The following MAGI1 variants were observed in gnomAD, a reference collection of about 807,000 sequenced individuals.
The protein encoded by MAGI1 is membrane associated guanylate kinase, WW and PDZ domain containing 1.
Under a neutral mutation model 139.9 loss-of-function variants are expected in MAGI1, and 58 were observed. The ratio of observed to expected loss-of-function variants is 0.41; its 90% CI spans 0.34 to 0.52. MAGI1 has a LOEUF of 0.52. Among genes scored for constraint, MAGI1 ranks in the 20% least tolerant of loss-of-function variants. The probability of loss-of-function intolerance (pLI) is 0.12; values close to 1 mark genes in which losing one functional copy is unlikely to be tolerated. For missense variants in MAGI1, 1,874 were observed against 1,901.6 expected, an observed-to-expected ratio of 0.99 and a Z score of 0.27; for synonymous variants, 812 against 737.9, an observed-to-expected ratio of 1.10 and a Z score of -1.63.
chr3:65,370,326 G>A (rs528048292), intron 18 of MAGI1, among the ~76,000 whole-genome samples: 6 of 152,092 alleles, frequency 3.9e-5, no homozygotes, highest in South Asian at 2.1e-4. Flanking sequence ...TCCCTTTACC[G>A]GGCTTCTGGC....
chr3:65,640,674 CA>C (rs2084932438), intron 1 of MAGI1, among the ~76,000 whole-genome samples: 1 of 152,196 alleles, frequency 6.6e-6, no homozygotes, highest in Non-Finnish European at 1.5e-5. Context: ...TGTTTATTCA[CA>C]ACAAGGGTTG....
At chr3:65,853,334 G>A (rs1159584939) in intron 1 of MAGI1, among the ~76,000 whole-genome samples, 1 of 152,218 alleles carries the variant, frequency 6.6e-6, no homozygotes, top group Non-Finnish European at 1.5e-5. Flanking sequence ...CCTTGCTTGT[G>A]TGATATAAAT....
intron 1 of MAGI1, among the ~76,000 whole-genome samples, chr3:65,866,721 G>T (rs761646953): frequency 6.6e-6 from 1 of 152,038 alleles, no homozygotes; most frequent in Non-Finnish European, 1.5e-5. Flanking sequence ...TCATCCCAGA[G>T]GTCTAAACTT....
At chr3:65,709,641 C>T (rs2031031497) in intron 1 of MAGI1, among the ~76,000 whole-genome samples, 2 of 152,194 alleles carry the variant, frequency 1.3e-5, no homozygotes, top group Admixed American at 1.3e-4. Flanking sequence ...AGATGCACTT[C>T]GGATCAGCCT....
At chr3:65,467,956 G>A (rs1412612653) in intron 5 of MAGI1, among the ~76,000 whole-genome samples, 1 of 152,104 alleles carries the variant, frequency 6.6e-6, no homozygotes, top group Non-Finnish European at 1.5e-5. Context: ...GATGAAAATG[G>A]TAACAATAAC....
intron 1 of MAGI1, among the ~76,000 whole-genome samples, chr3:65,653,331 C>T (rs1252764367): frequency 1.3e-5 from 2 of 152,192 alleles, no homozygotes; most frequent in African/African-American, 4.8e-5. Context: ...TTACCTTCCA[C>T]TTTGGCCCCT....
At position 65,531,844 on chromosome 3, in the gene MAGI1, A is replaced by T. The variant is rs569392773; in HGVS notation, c.431-38213T>A. ...CCTATAGCACACAGTTATTATACAGATTAAAAGAGTGAGTTAATACACTAA... is the reference window on the plus strand; with the variant it reads ...CCTATAGCACACAGTTATTATACAGTTTAAAAGAGTGAGTTAATACACTAA... On this transcript the variant is annotated intron_variant, in intron 2 of 22. Coordinates refer to ENST00000402939, the MANE Select transcript of MAGI1 (RefSeq NM_001033057.2). Among the ~76,000 whole-genome samples the T allele has an allele frequency of 5.3e-5, 8 of 152,232 alleles. No homozygotes were observed. In the East Asian group the frequency reaches 1.5e-3, roughly 29 times the overall value.
intron 6 of MAGI1, among the ~76,000 whole-genome samples, chr3:65,451,817 G>C (rs1252143067): frequency 1.3e-5 from 2 of 151,992 alleles, no homozygotes; most frequent in East Asian, 3.9e-4. Flanking sequence ...GCTAATTTTT[G>C]TTTTATTATT....
intron 1 of MAGI1, among the ~76,000 whole-genome samples, chr3:65,824,591 C>T (rs1183739383): frequency 6.6e-6 from 1 of 152,170 alleles, no homozygotes; most frequent in Non-Finnish European, 1.5e-5. Context: ...TAAATCTGTC[C>T]TCTGCTATCA....
At chr3:65,747,059 A>G (rs2035769628) in intron 1 of MAGI1, among the ~76,000 whole-genome samples, 1 of 152,206 alleles carries the variant, frequency 6.6e-6, no homozygotes, top group Non-Finnish European at 1.5e-5. Flanking sequence ...CCAGCTATTC[A>G]GGAGGCTGAG....
intron 1 of MAGI1, among the ~76,000 whole-genome samples, chr3:65,935,298 G>T (rs921797092): frequency 3.3e-5 from 5 of 152,160 alleles, no homozygotes; most frequent in African/African-American, 9.7e-5. Context: ...ACAAAAGGGG[G>T]CATGTGGAAT....
chr3:65,740,320 T>C (rs2035152638), intron 1 of MAGI1, among the ~76,000 whole-genome samples: 1 of 152,228 alleles, frequency 6.6e-6, no homozygotes, highest in Non-Finnish European at 1.5e-5. Context: ...CTTAATTTAA[T>C]GCTCCCACAA....
intron 2 of MAGI1, among the ~76,000 whole-genome samples, chr3:65,520,583 A>C (rs1319236558): frequency 2.0e-5 from 3 of 152,210 alleles, no homozygotes; most frequent in East Asian, 1.9e-4. Flanking sequence ...TACTCAAAAA[A>C]AGTGAGCTAT....
chr3:65,627,894 T>A (rs560269600), intron 1 of MAGI1, among the ~76,000 whole-genome samples: 1 of 152,290 alleles, frequency 6.6e-6, no homozygotes, highest in Non-Finnish European at 1.5e-5. Flanking sequence ...CACATGAGTT[T>A]ACAGAATGTT....
intron 15 of MAGI1, 105 bp downstream of exon 15, chr3:65,383,427 T>C (rs536387588): frequency 8.8e-6 from 7 of 791,506 alleles, no homozygotes; most frequent in Non-Finnish European, 1.6e-5. Context: ...AAAGAGTCAG[T>C]GTTGCATCTA....
chr3:65,937,042 T>C (rs1372733142), intron 1 of MAGI1, among the ~76,000 whole-genome samples: 2 of 151,990 alleles, frequency 1.3e-5, no homozygotes, highest in Non-Finnish European at 2.9e-5. Flanking sequence ...CCACAGACAG[T>C]ATCTCCTCCT....
chr3:65,589,540 C>T (rs758778497), intron 2 of MAGI1, among the ~76,000 whole-genome samples: 5 of 152,074 alleles, frequency 3.3e-5, no homozygotes, highest in African/African-American at 7.2e-5. Context: ...TCACTTTGAC[C>T]GTAGCTTCCT....
intron 1 of MAGI1, among the ~76,000 whole-genome samples, chr3:66,037,632 G>C (rs1203880131): frequency 6.6e-6 from 1 of 152,178 alleles, no homozygotes; most frequent in African/African-American, 2.4e-5. Flanking sequence ...AACGCCAGCT[G>C]CATCCCTCCC....
At chr3:65,915,928 T>C (rs2061879356) in intron 1 of MAGI1, among the ~76,000 whole-genome samples, 1 of 151,460 alleles carries the variant, frequency 6.6e-6, no homozygotes, top group African/African-American at 2.4e-5. Flanking sequence ...GTATTTATTA[T>C]CATTTCTGTG....
Sources: allele counts gnomAD v4.1 joint callset (sites outside exome capture counted in the v4.1 genomes callset), GRCh38; gene constraint gnomAD v4.1.1; transcripts MANE v1.5; gene names NCBI Gene and HGNC (gene_info 2026-07-23, HGNC 2026-07-21).